Variants in PDIA6 observed in about 807,000 individuals in gnomAD.
PDIA6 encodes protein disulfide isomerase family A member 6.
In PDIA6, 29 loss-of-function variants were observed where a neutral mutation model predicts 58.4. The ratio of observed to expected loss-of-function variants is 0.50; its 90% CI spans 0.37 to 0.68. The LOEUF is 0.68. PDIA6 is among the 30% of genes least tolerant of loss of function. PDIA6 has a pLI of 0.00. For synonymous variants in PDIA6, 192 were observed against 202.6 expected, an observed-to-expected ratio of 0.95 and a Z score of 0.44; for missense variants, 480 against 551.0, an observed-to-expected ratio of 0.87 and a Z score of 1.29.
chr2:10,796,214 C>T (rs987359248), intron 4 of PDIA6, among the ~76,000 whole-genome samples: 2 of 152,060 alleles, frequency 1.3e-5, no homozygotes, highest in Non-Finnish European at 2.9e-5. Flanking sequence ...CCACCGTGCC[C>T]GGCTAATTTT....
At chr2:10,808,280 T>G (rs181086187) in intron 1 of PDIA6, among the ~76,000 whole-genome samples, 1 of 152,206 alleles carries the variant, frequency 6.6e-6, no homozygotes, top group Non-Finnish European at 1.5e-5. Flanking sequence ...CAAATGCTAC[T>G]GGGAGATAAA....
intron 3 of PDIA6, 24 bp downstream of exon 3, chr2:10,797,676 C>T: frequency 6.3e-7 from 1 of 1,595,726 alleles, no homozygotes; most frequent in Non-Finnish European, 8.6e-7. Context: ...TTTTGTAAGC[C>T]TTTTGCATTC....
At chr2:10,831,499 A>G (rs1485542931) in intron 1 of PDIA6, among the ~76,000 whole-genome samples, 1 of 152,090 alleles carries the variant, frequency 6.6e-6, no homozygotes, top group Admixed American at 6.5e-5. Context: ...GCAGCCCCAC[A>G]TCCTGGGGCA....
At chr2:10,810,804 T>G (rs149647101) in intron 1 of PDIA6, among the ~76,000 whole-genome samples, 1 of 151,992 alleles carries the variant, frequency 6.6e-6, no homozygotes, top group Non-Finnish European at 1.5e-5. Context: ...CTGGGCTCAC[T>G]TAAGATGACA....
Position 10,788,788 on chromosome 2 carries a change from G to A in PDIA6, c.926-19C>T, listed in dbSNP as rs1452099053. The A allele has an allele frequency of 6.3e-7, 1 of 1,597,572 alleles. No homozygotes were observed. The highest frequency in any genetic ancestry group is 1.3e-5 in the African/African-American group (1 of 74,588). ...GCAGCTCCTGATTTAAATAGACAAA[G>A]TTTTTTAAAGGTAAAGATAAAGGAG... On this transcript the variant is annotated intron_variant, in intron 9 of 12. Transcript: ENST00000272227.
In PDIA6 at chr2:10,783,540, G is replaced by A. The variant is rs1060011; in HGVS notation, c.*718C>T. ...TTGGTAACCTGCTGCTGTATTTCAT[G>A]TCTTAACGGCTATTTTGAGGTTCAT... On this transcript the variant is annotated 3_prime_UTR_variant, in exon 13 of 13. Transcript: ENST00000272227. 0.024 allele frequency: 7,525 copies of A among 318,702 alleles called. 153 individuals carry two copies. Among genetic ancestry groups the A allele is most frequent in the African/African-American group, 0.058 (2,673 of 45,834 alleles). 19.7% of individuals were successfully genotyped at this position (318,702 alleles called of 1,614,324 possible). A position where few individuals can be genotyped will look rare whatever the true frequency, so the allele number is the denominator to read the frequency against.
At chr2:10,825,270 CTCTCTCTG>C (rs1667521763) in intron 1 of PDIA6, among the ~76,000 whole-genome samples, 8 of 24,892 alleles carry the variant, frequency 3.2e-4, no homozygotes, top group African/African-American at 7.6e-4. Flanking sequence ...CTCTCTGTCT[CTCTCTCTG>C]TCTCTCTCTC....
intron 1 of PDIA6, among the ~76,000 whole-genome samples, chr2:10,812,330 T>C: frequency 6.6e-6 from 1 of 151,088 alleles, no homozygotes; most frequent in East Asian, 2.0e-4. Flanking sequence ...CGGAACAAGC[T>C]CCCCTGCGAC....
At chr2:10,834,717 C>T (rs1368679134), upstream of PDIA6, among the ~76,000 whole-genome samples, 2 of 49,690 alleles carry the variant, frequency 4.0e-5, no homozygotes, top group African/African-American at 1.3e-4. Flanking sequence ...CTCCCTCCCT[C>T]CCTCCCTTCC....
chr2:10,822,561 C>T (rs1667431916), intron 1 of PDIA6, among the ~76,000 whole-genome samples: 1 of 152,242 alleles, frequency 6.6e-6, no homozygotes, highest in African/African-American at 2.4e-5. Context: ...CGTGCCTGGC[C>T]TCATAAATGA....
chr2:10,797,464 A>C (rs1013605998), intron 3 of PDIA6, among the ~76,000 whole-genome samples: 3 of 152,194 alleles, frequency 2.0e-5, no homozygotes, highest in Non-Finnish European at 4.4e-5. Flanking sequence ...TATCTGGGAA[A>C]AACAATAAAC....
At chr2:10,798,829 A>T (rs183982516) in intron 2 of PDIA6, among the ~76,000 whole-genome samples, 1 of 152,282 alleles carries the variant, frequency 6.6e-6, no homozygotes. Context: ...CTCTAGTCCA[A>T]CTTTTTAATT....
intron 1 of PDIA6, among the ~76,000 whole-genome samples, chr2:10,822,080 C>T (rs188150097): frequency 1.3e-5 from 2 of 152,070 alleles, no homozygotes; most frequent in African/African-American, 4.8e-5. Flanking sequence ...GCTGGGACTG[C>T]AAGCATGCAC....
chr2:10,787,641 C>A (rs1341227642), intron 10 of PDIA6, among the ~76,000 whole-genome samples: 2 of 152,128 alleles, frequency 1.3e-5, no homozygotes, highest in Non-Finnish European at 2.9e-5. Flanking sequence ...CATGTTCTCG[C>A]GTTCTGTAGG....
upstream of PDIA6, chr2:10,832,538 GGCT>G (rs1443850900): frequency 1.8e-6 from 1 of 561,526 alleles, no homozygotes; most frequent in African/African-American, 2.0e-5. Context: ...GCTCTGCGCA[GGCT>G]GCTGCGGGGA....
At chr2:10,798,442 C>A (rs1426262831) in intron 2 of PDIA6, among the ~76,000 whole-genome samples, 4 of 151,964 alleles carry the variant, frequency 2.6e-5, no homozygotes, top group Non-Finnish European at 5.9e-5. Context: ...GTGGCACACA[C>A]CTGTAATCTT....
At chr2:10,820,635 GT>G in intron 1 of PDIA6, 1 of 586,582 alleles carries the variant, frequency 1.7e-6, no homozygotes, top group Non-Finnish European at 3.1e-6. Flanking sequence ...TTCTTGAGCT[GT>G]TTTTTGTTAG....
chr2:10,828,328 CA>C (rs1337227838), intron 1 of PDIA6, among the ~76,000 whole-genome samples: 1 of 152,140 alleles, frequency 6.6e-6, no homozygotes. Flanking sequence ...ATCAGAAATT[CA>C]ATGGGCAGGA....
intron 1 of PDIA6, among the ~76,000 whole-genome samples, chr2:10,809,645 CAAAAAAAAA>C (rs56308831): frequency 1.5e-4 from 10 of 64,670 alleles, no homozygotes; most frequent in East Asian, 1.3e-3. Flanking sequence ...GACCCGGTCT[CAAAAAAAAA>C]AAAAAAAAAA....
Sources: allele counts gnomAD v4.1 joint callset (sites outside exome capture counted in the v4.1 genomes callset), GRCh38; gene constraint gnomAD v4.1.1; transcripts MANE v1.5; gene names NCBI Gene and HGNC (gene_info 2026-07-23, HGNC 2026-07-21).